Variants in SBNO1 observed in about 807,000 individuals in gnomAD.
SBNO1 encodes the protein protein strawberry notch homolog 1.
A neutral mutation model predicts 173.6 loss-of-function variants in SBNO1; 23 were observed. That is an observed-to-expected ratio of 0.13 (90% CI 0.10 to 0.19). The LOEUF is 0.19. Ranked by LOEUF, SBNO1 falls within the 10% of genes least tolerant of loss-of-function variation. The probability of loss-of-function intolerance (pLI) is 1.00; values close to 1 mark genes in which losing one functional copy is unlikely to be tolerated. For missense variants in SBNO1, 1,238 were observed against 1,671.2 expected, an observed-to-expected ratio of 0.74 and a Z score of 4.52; for synonymous variants, 632 against 571.5, an observed-to-expected ratio of 1.11 and a Z score of -1.51.
chr12:123,363,728 A>C (rs1875688512), intron 1 of SBNO1: 1 of 457,750 alleles, frequency 2.2e-6, no homozygotes, highest in Non-Finnish European at 2.9e-6. Context: ...CGACTCCCCA[A>C]AACAAAAGCC....
At chr12:123,364,229 C>T in intron 1 of SBNO1, 2 of 985,666 alleles carry the variant, frequency 2.0e-6, no homozygotes, top group Non-Finnish European at 2.4e-6. Flanking sequence ...CTGCCTCCCT[C>T]CCTCGCCCAG....
chr12:123,314,762 C>T (rs916018943), intron 23 of SBNO1, among the ~76,000 whole-genome samples: 3 of 152,286 alleles, frequency 2.0e-5, no homozygotes, highest in South Asian at 2.1e-4. Flanking sequence ...CATGCCACCA[C>T]GCCCATCTAA....
intron 29 of SBNO1, among the ~76,000 whole-genome samples, chr12:123,303,917 G>A (rs1018588083): frequency 2.3e-5 from 3 of 128,686 alleles, no homozygotes; most frequent in African/African-American, 8.1e-5. Flanking sequence ...TATAAAATAA[G>A]TATTCTTTTT....
intron 15 of SBNO1, 71 bp from the exon 16 acceptor site, chr12:123,323,902 A>G: frequency 8.8e-7 from 1 of 1,131,150 alleles, no homozygotes; most frequent in Non-Finnish European, 1.2e-6. Flanking sequence ...ATTATTAAAT[A>G]TATTGAAATA....
In SBNO1 at chr12:123,350,690, A is replaced by G. The variant is rs563030394; in HGVS notation, c.1-249T>C. Among the ~76,000 whole-genome samples the G allele has an allele frequency of 5.9e-5, 9 of 152,356 alleles. No homozygotes were observed. In the East Asian group the frequency reaches 1.7e-3, roughly 29 times the overall value. On this transcript the variant is annotated intron_variant, in intron 1 of 31. Transcript: ENST00000602398. Reference sequence around the variant, plus strand: ...TATGCATCTACAAAAGGCTACGGGAACAGAGAAGGAAATAATGAACTTTGT... The same window carrying G: ...TATGCATCTACAAAAGGCTACGGGAGCAGAGAAGGAAATAATGAACTTTGT...
At chr12:123,356,974 A>G (rs1422714057) in intron 1 of SBNO1, among the ~76,000 whole-genome samples, 1 of 152,198 alleles carries the variant, frequency 6.6e-6, no homozygotes, top group Non-Finnish European at 1.5e-5. Context: ...CTGTGCTTTT[A>G]TGCAGCTGTG....
chr12:123,316,908 G>A (rs1593351605), intron 21 of SBNO1, among the ~76,000 whole-genome samples: 1 of 151,526 alleles, frequency 6.6e-6, no homozygotes. Context: ...TCACCATGTT[G>A]ACCAGGCTGG....
intron 30 of SBNO1, among the ~76,000 whole-genome samples, chr12:123,302,541 G>C (rs2048823702): frequency 2.6e-5 from 4 of 152,178 alleles, no homozygotes; most frequent in Admixed American, 2.6e-4. Context: ...ACCACACCCA[G>C]CCGTGAAAAA....
Position 123,294,244 on chromosome 12 carries a change from G to GACACA in SBNO1, c.*1659_*1663dup, listed in dbSNP as rs1365009481. The GACACA allele has an allele frequency of 3.6e-5, 4 of 112,194 alleles. No homozygotes were observed. Among genetic ancestry groups the GACACA allele is most frequent in the African/African-American group, 9.9e-5 (4 of 40,438 alleles). The allele number at this position is 112,194 out of a possible 1,614,324, so 6.9% of individuals were successfully genotyped here. A position where few individuals can be genotyped will look rare whatever the true frequency, so the allele number is the denominator to read the frequency against. On this transcript the variant is annotated 3_prime_UTR_variant, in exon 32 of 32. Transcript: ENST00000602398. ...ACATAACCAAACTCAGGCTAAAGGA[G>GACACA]ACACAAGAGGATGAACGCCCTAAGC...
intron 7 of SBNO1, among the ~76,000 whole-genome samples, chr12:123,333,386 T>C (rs936861386): frequency 1.3e-5 from 2 of 152,164 alleles, no homozygotes. Flanking sequence ...GCTCAAATCT[T>C]TTCCAGCTGG....
At position 123,310,625 on chromosome 12, in the gene SBNO1, C is replaced by T. The variant is rs566553738; in HGVS notation, c.3295+430G>A. On this transcript the variant is annotated intron_variant, in intron 25 of 31. Coordinates refer to ENST00000602398, the MANE Select transcript of SBNO1 (RefSeq NM_001167856.3). ...TCTCGGCTCACTGCAACCTCTGCCT[C>T]GCGGGTTCAAGTAATTCTCTTGCCT... Among the ~76,000 whole-genome samples the T allele has an allele frequency of 8.0e-4, 122 of 152,042 alleles. No homozygotes were observed. In the Middle Eastern group the frequency reaches 0.027, roughly 34 times the overall value.
At chr12:123,331,688 A>AT (rs1871227193) in intron 7 of SBNO1, among the ~76,000 whole-genome samples, 1 of 151,384 alleles carries the variant, frequency 6.6e-6, no homozygotes, top group Admixed American at 6.6e-5. Context: ...CGCCTGGCTA[A>AT]TTTTTTCTAT....
chr12:123,311,235 A>G, intron 24 of SBNO1, 106 bp from the exon 25 acceptor site: 2 of 773,926 alleles, frequency 2.6e-6, no homozygotes, highest in Non-Finnish European at 4.4e-6. Flanking sequence ...ATTTTAAAAA[A>G]ACACCTTGAT....
intron 2 of SBNO1, among the ~76,000 whole-genome samples, chr12:123,349,724 G>C (rs983268257): frequency 2.0e-5 from 3 of 152,114 alleles, no homozygotes; most frequent in African/African-American, 7.2e-5. Context: ...AGACCAGCCT[G>C]AACAACATGG....
chr12:123,345,712 C>G (rs1873044110), intron 3 of SBNO1, 142 bp from the exon 4 acceptor site: 3 of 738,064 alleles, frequency 4.1e-6, no homozygotes, highest in Non-Finnish European at 6.5e-6. Context: ...CAGTCTCATT[C>G]TGTCATGCAG....
chr12:123,311,735 T>C, intron 24 of SBNO1, among the ~76,000 whole-genome samples: 1 of 134,996 alleles, frequency 7.4e-6, no homozygotes, highest in South Asian at 2.3e-4. Context: ...TATATATATA[T>C]ATATATATAT....
At chr12:123,309,970 TAC>T in intron 25 of SBNO1, 114 bp from the exon 26 acceptor site, 2 of 779,374 alleles carry the variant, frequency 2.6e-6, no homozygotes, top group Non-Finnish European at 4.2e-6. Context: ...TCTTAACTCT[TAC>T]ACTGTCCTCA....
intron 5 of SBNO1, among the ~76,000 whole-genome samples, chr12:123,340,736 G>A (rs890225478): frequency 6.6e-6 from 1 of 151,898 alleles, no homozygotes; most frequent in Non-Finnish European, 1.5e-5. Flanking sequence ...TTTCTGCTCA[G>A]ATGAGATTTT....
chr12:123,353,604 TC>T (rs1874120953), intron 1 of SBNO1, among the ~76,000 whole-genome samples: 1 of 152,104 alleles, frequency 6.6e-6, no homozygotes, highest in Non-Finnish European at 1.5e-5. Context: ...GACTTTTGAT[TC>T]AAAAAAAAGA....
Sources: gnomAD v4.1 joint callset for allele counts (sites outside exome capture counted in the v4.1 genomes callset) on GRCh38, gnomAD v4.1.1 for gene constraint, MANE v1.5 for transcripts, NCBI Gene and HGNC (gene_info 2026-07-23, HGNC 2026-07-21) for gene names.